PARK7: variants seen among roughly 807,000 people sequenced by gnomAD.
The protein encoded by PARK7 is Parkinsonism associated deglycase, also known as Parkinson disease protein 7.
PARK7 carries 14 observed loss-of-function variants against 20.5 expected under a neutral mutation model. That is an observed-to-expected ratio of 0.68 (90% confidence interval 0.45 to 1.07). PARK7 has a LOEUF of 1.07. PARK7 is among the 50% of genes least tolerant of loss of function. The pLI, the probability that PARK7 is intolerant of heterozygous loss-of-function variation, is 0.00. For missense variants in PARK7, 234 were observed against 238.1 expected, an observed-to-expected ratio of 0.98 and a Z score of 0.11; for synonymous variants, 98 against 84.3, an observed-to-expected ratio of 1.16 and a Z score of -0.89.
At chr1:7,967,340 G>A (rs562316424) in intron 3 of PARK7, among the ~76,000 whole-genome samples, 10 of 152,044 alleles carry the variant, frequency 6.6e-5, no homozygotes, top group Admixed American at 1.3e-4. Context: ...GGTTGATTTC[G>A]TATGTTGGCT....
Position 7,981,924 on chromosome 1 carries a change from C to G in PARK7, c.410-2970C>G, listed in dbSNP as rs75683388. Among the ~76,000 whole-genome samples, 636 of 144,382 alleles carry G rather than the reference C, an allele frequency of 4.4e-3. 5 individuals are homozygous for G. Among genetic ancestry groups the G allele is most frequent in the African/African-American group, 0.015 (597 of 39,420 alleles). The allele number at this position is 144,382 out of a possible 152,430, so 94.7% of individuals were successfully genotyped here. A position where few individuals can be genotyped will look rare whatever the true frequency, so the allele number is the denominator to read the frequency against. On this transcript the variant is annotated intron_variant, in intron 6 of 6. Transcript: ENST00000338639. ...CTGCCCTCCTCGGCTTCCCCATGTG[C>G]TGGGATTACAGGCGTGAGCCACTAT... is the stretch of plus-strand genomic sequence containing the variant.
intron 5 of PARK7, among the ~76,000 whole-genome samples, chr1:7,975,123 G>A (rs1640551202): frequency 6.6e-6 from 1 of 152,086 alleles, no homozygotes; most frequent in Admixed American, 6.6e-5. Flanking sequence ...CAAAGTGCTA[G>A]GATTACAGGC....
At chr1:7,963,749 C>T (rs1640262859) in intron 2 of PARK7, among the ~76,000 whole-genome samples, 1 of 151,948 alleles carries the variant, frequency 6.6e-6, no homozygotes, top group Admixed American at 6.6e-5. Context: ...TTTCTCCAAT[C>T]CTATGCCCCT....
intron 2 of PARK7, among the ~76,000 whole-genome samples, 167 bp downstream of exon 2, chr1:7,963,042 G>A (rs913100743): frequency 7.2e-5 from 11 of 152,058 alleles, no homozygotes; most frequent in African/African-American, 1.9e-4. Flanking sequence ...CACATTTAAC[G>A]CTTGTTAATG....
intron 6 of PARK7, among the ~76,000 whole-genome samples, chr1:7,983,879 C>T (rs777512956): frequency 5.9e-5 from 9 of 152,118 alleles, no homozygotes; most frequent in Admixed American, 1.3e-4. Context: ...ATATCATTGG[C>T]CAGACAGGGA....
intron 5 of PARK7, among the ~76,000 whole-genome samples, chr1:7,974,337 A>C (rs2151434512): frequency 6.6e-6 from 1 of 152,028 alleles, no homozygotes; most frequent in South Asian, 2.1e-4. Context: ...TAAAAAAAAA[A>C]AGTAAAAATA....
chr1:7,975,268 T>C (rs770407945), intron 5 of PARK7, among the ~76,000 whole-genome samples: 1 of 152,104 alleles, frequency 6.6e-6, no homozygotes, highest in African/African-American at 2.4e-5. Context: ...GGAGTCTATG[T>C]TGAGAAGAAA....
chr1:7,963,790 C>T (rs188104665), intron 2 of PARK7, among the ~76,000 whole-genome samples: 52 of 151,324 alleles, frequency 3.4e-4, no homozygotes, highest in African/African-American at 1.2e-3. Context: ...GTGCTATCCT[C>T]GCACTCTTGT....
At chr1:7,975,075 C>T (rs1401419631) in intron 5 of PARK7, among the ~76,000 whole-genome samples, 4 of 152,050 alleles carry the variant, frequency 2.6e-5, no homozygotes, top group South Asian at 2.1e-4. Flanking sequence ...AGGCTGGTCT[C>T]GAACTCCTGA....
intron 4 of PARK7, among the ~76,000 whole-genome samples, chr1:7,969,860 G>A (rs946689414): frequency 1.3e-5 from 2 of 152,148 alleles, no homozygotes; most frequent in African/African-American, 4.8e-5. Context: ...TTATAGGCGT[G>A]AGCCACCACT....
intron 6 of PARK7, among the ~76,000 whole-genome samples, chr1:7,982,010 C>G (rs1252552264): frequency 2.6e-5 from 3 of 113,460 alleles, no homozygotes; most frequent in East Asian, 6.2e-4. Flanking sequence ...GAGTCTTGCT[C>G]TCTCACCCAG....
At chr1:7,972,196 T>C (rs1182054096) in intron 5 of PARK7, among the ~76,000 whole-genome samples, 2 of 152,160 alleles carry the variant, frequency 1.3e-5, no homozygotes, top group African/African-American at 4.8e-5. Context: ...GTGTGGTGGC[T>C]CATGCCTGTA....
intron 5 of PARK7, among the ~76,000 whole-genome samples, chr1:7,973,813 C>G (rs1640513961): frequency 6.6e-6 from 1 of 151,200 alleles, no homozygotes; most frequent in Non-Finnish European, 1.5e-5. Flanking sequence ...GAGGCTGAGG[C>G]AGGAGAATCG....
In PARK7 at chr1:7,984,755, G is replaced by A; in HGVS notation, c.410-139G>A. ...TTTGTAGGGGGCTTCTAAGAGCTTG[G>A]AGTGCCTAGTAAATGTTTTTGAATG... On this transcript the variant is annotated intron_variant, in intron 6 of 6. Coordinates refer to ENST00000338639, the MANE Select transcript of PARK7 (RefSeq NM_007262.5). This position sits in a 1 kb window ranked among gnomAD's most constrained non-coding sequence, Gnocchi z 4.3. 1 of 1,010,850 alleles carries A rather than the reference G, an allele frequency of 9.9e-7. No individual in the cohort carries two copies. The highest frequency in any genetic ancestry group is 1.5e-6 in the Non-Finnish European group (1 of 657,868). The allele number at this position is 1,010,850 out of a possible 1,614,324, so 62.6% of individuals were successfully genotyped here. A position where few individuals can be genotyped will look rare whatever the true frequency, so the allele number is the denominator to read the frequency against.
intron 6 of PARK7, among the ~76,000 whole-genome samples, chr1:7,982,373 G>A (rs1640730235): frequency 1.3e-5 from 2 of 152,152 alleles, no homozygotes; most frequent in African/African-American, 2.4e-5. Flanking sequence ...CCTTCTGCTG[G>A]TTGAACGGGA....
intron 1 of PARK7, chr1:7,962,177 G>C (rs1215729343): frequency 3.3e-5 from 5 of 153,420 alleles, no homozygotes; most frequent in African/African-American, 1.2e-4. Flanking sequence ...CAGAGAGACA[G>C]ATGTAGTTGG....
chr1:7,969,299 TTGAAA>T (rs1557444221), intron 3 of PARK7, 41 bp from the exon 4 acceptor site: 2 of 1,493,208 alleles, frequency 1.3e-6, no homozygotes, highest in East Asian at 2.3e-5. Flanking sequence ...TAATGCACAG[TTGAAA>T]TGAAATGTTT....
intron 5 of PARK7, among the ~76,000 whole-genome samples, chr1:7,972,477 C>G (rs1044645059): frequency 6.6e-6 from 1 of 151,978 alleles, no homozygotes; most frequent in Admixed American, 6.6e-5. Context: ...AAATGTTATT[C>G]GCCTTTTTTC....
chr1:7,965,848 C>A (rs967919883), intron 3 of PARK7, among the ~76,000 whole-genome samples: 3 of 152,182 alleles, frequency 2.0e-5, no homozygotes, highest in Non-Finnish European at 4.4e-5. Context: ...CCCACTCTCT[C>A]CCCTAGGCTG....
Sources: allele counts gnomAD v4.1 joint callset (sites outside exome capture counted in the v4.1 genomes callset), GRCh38; gene constraint gnomAD v4.1.1; non-coding constraint Gnocchi (gnomAD v3.1); transcripts MANE v1.5; gene names NCBI Gene and HGNC (gene_info 2026-07-23, HGNC 2026-07-21).